The following ZNF791 variants were observed in gnomAD, a reference collection of about 807,000 sequenced individuals.
ZNF791 encodes zinc finger protein 791.
In ZNF791, 4 loss-of-function variants were observed where a neutral mutation model predicts 11.5. The ratio of observed to expected loss-of-function variants is 0.35; its 90% CI spans 0.17 to 0.80. The LOEUF (loss-of-function observed/expected upper bound fraction) is 0.80. Ranked by LOEUF, ZNF791 falls within the 30% of genes least tolerant of loss-of-function variation. ZNF791 has a pLI of 0.53. For missense variants in ZNF791, 559 were observed against 699.4 expected (o/e 0.80, Z 2.26); for synonymous variants, 212 against 228.1 (o/e 0.93, Z 0.64).
At chr19:12,627,678 AT>A in intron 3 of ZNF791, 42 bp from the exon 4 acceptor site, 1 of 1,473,486 alleles carries the variant, frequency 6.8e-7, no homozygotes. Context: ...ATATAAAATC[AT>A]TAATACACAA....
rs532260628 is a variant in ZNF791, at chr19:12,612,277, G to A, written c.3+1195G>A. 4.4e-5 allele frequency: 12 copies of A among 274,994 alleles called. No homozygotes were observed. The South Asian group carries it at 9.9e-4, about 23-fold the overall frequency. The allele number at this position is 274,994 out of a possible 1,614,324, so 17.0% of individuals were successfully genotyped here. A position where few individuals can be genotyped will look rare whatever the true frequency, so the allele number is the denominator to read the frequency against. ...TGATCTTGAACTCCTGGGCTCAAGC[G>A]ATCCTCCACCCTCAGCATCCCAAAG... On this transcript the variant is annotated intron_variant, in intron 1 of 3. Coordinates refer to ENST00000343325, the MANE Select transcript of ZNF791 (RefSeq NM_153358.3).
In ZNF791 at chr19:12,614,892, C is replaced by CTTTTTTTTTTTTTTTTTTTTTTTTTTTTT. The variant is rs57575424; in HGVS notation, c.3+3817_3+3845dup. 2.3e-4 allele frequency among the ~76,000 whole-genome samples: 4 copies of CTTTTTTTTTTTTTTTTTTTTTTTTTTTTT among 17,566 alleles called. 1 individual carries two copies. Among genetic ancestry groups the CTTTTTTTTTTTTTTTTTTTTTTTTTTTTT allele is most frequent in the South Asian group, 5.6e-3 (1 of 178 alleles). 11.5% of individuals were successfully genotyped at this position (17,566 alleles called of 152,430 possible). On this transcript the variant is annotated intron_variant, in intron 1 of 3. Transcript: ENST00000343325. The stretch of plus-strand genomic sequence containing the variant: ...ACAGGTGTGAGCCACTGCGTCCGGC[C>CTTTTTTTTTTTTTTTTTTTTTTTTTTTTT]TTTTTTTTTTTTTTTTTTTTTTTTT...
intron 1 of ZNF791, among the ~76,000 whole-genome samples, chr19:12,621,329 C>G (rs375553497): frequency 2.6e-4 from 40 of 152,198 alleles, no homozygotes; most frequent in East Asian, 7.7e-4. Context: ...TTGTGAAAGT[C>G]TAAGTTGTGA....
Position 12,632,496 on chromosome 19 carries a change from T to G in ZNF791, c.*3236T>G, listed in dbSNP as rs532698766. 2 of 152,254 alleles carry G rather than the reference T, an allele frequency of 1.3e-5. No individual in the cohort carries two copies. The highest frequency in any genetic ancestry group is 1.3e-4 in the Admixed American group (2 of 15,260). The allele number at this position is 152,254 out of a possible 1,614,324, so 9.4% of individuals were successfully genotyped here. A position where few individuals can be genotyped will look rare whatever the true frequency, so the allele number is the denominator to read the frequency against. On this transcript the variant is annotated 3_prime_UTR_variant, in exon 4 of 4. Coordinates refer to ENST00000343325, the MANE Select transcript of ZNF791 (RefSeq NM_153358.3). ...TCCGAAAAACTGCTTTTTAAATTTC[T>G]TGGCCAGACACGGTGGCTCACTCCT...
Position 12,628,505 on chromosome 19 carries a change from A to C in ZNF791, c.976A>C (p.Lys326Gln), listed in dbSNP as rs918157673. The part of the protein sequence containing the change: ...QIHERIHTGE[K>Q]PYKCKECGKS... ...TCATGAAAGAATTCATACTGGAGAG[A>C]AGCCCTATAAATGTAAAGAATGTGG... Residue 326 changes from lysine (K) to glutamine (Q), a missense_variant, in exon 4 of 4, where the codon AAG becomes CAG. Lys to Gln is a moderately conservative substitution (Grantham distance 53, BLOSUM62 1). Coordinates refer to ENST00000343325, the MANE Select transcript of ZNF791 (RefSeq NM_153358.3). The C allele has an allele frequency of 1.1e-5, 17 of 1,611,354 alleles. No homozygotes were observed. Among genetic ancestry groups the C allele is most frequent in the Non-Finnish European group, 1.4e-5 (16 of 1,178,958 alleles).
intron 1 of ZNF791, 197 bp from the exon 2 acceptor site, chr19:12,623,502 GA>G: frequency 3.4e-6 from 2 of 591,638 alleles, no homozygotes; most frequent in Non-Finnish European, 5.8e-6. Flanking sequence ...TACCATTAGA[GA>G]GCAATAGGAC....
At chr19:12,623,400 C>T (rs998142139) in intron 1 of ZNF791, 1 of 342,700 alleles carries the variant, frequency 2.9e-6, no homozygotes, top group Non-Finnish European at 5.4e-6. Context: ...GCGAGACCAT[C>T]TATGTCTCAA....
rs2023489505 is a variant in ZNF791, at chr19:12,630,432, G to A, written c.*1172G>A. The A allele has an allele frequency of 6.6e-6, 1 of 152,028 alleles. No individual in the cohort carries two copies. The highest frequency in any genetic ancestry group is 1.5e-5 in the Non-Finnish European group (1 of 68,034). The allele number at this position is 152,028 out of a possible 1,614,324, so 9.4% of individuals were successfully genotyped here. A position where few individuals can be genotyped will look rare whatever the true frequency, so the allele number is the denominator to read the frequency against. ...GATCTACCACTACACTCCAGCCTGG[G>A]TGACAGAGCGAGACTCCGTCTCGAA... On this transcript the variant is annotated 3_prime_UTR_variant, in exon 4 of 4. Transcript: ENST00000343325.
intron 1 of ZNF791, among the ~76,000 whole-genome samples, chr19:12,621,155 T>A (rs1482685580): frequency 2.0e-5 from 3 of 152,144 alleles, no homozygotes; most frequent in African/African-American, 7.2e-5. Context: ...TGAAGTCCCC[T>A]GAAAATTGAT....
rs533409951 is a variant in ZNF791 at position 12,631,025 on chromosome 19, G to T, written c.*1765G>T. The T allele has an allele frequency of 6.6e-6, 1 of 152,230 alleles. No homozygotes were observed. The highest frequency in any genetic ancestry group is 2.1e-4 in the South Asian group (1 of 4,822). The allele number at this position is 152,230 out of a possible 1,614,324, so 9.4% of individuals were successfully genotyped here. On this transcript the variant is annotated 3_prime_UTR_variant, in exon 4 of 4. Transcript: ENST00000343325. ...GTGTACAGTAACATCCTGGGCCTTC[G>T]CATTCACTCACCACTCAACTGACTC...
intron 3 of ZNF791, among the ~76,000 whole-genome samples, chr19:12,626,572 C>G (rs1429170953): frequency 6.6e-6 from 1 of 152,128 alleles, no homozygotes; most frequent in Admixed American, 6.6e-5. Context: ...GCATGAGCCA[C>G]CATGCCAAGG....
At chr19:12,624,754 C>T in intron 3 of ZNF791, 44 bp downstream of exon 3, 1 of 1,516,788 alleles carries the variant, frequency 6.6e-7, no homozygotes, top group Non-Finnish European at 9.0e-7. Context: ...TTGAAAGAAT[C>T]TTAAAAATGT....
chr19:12,624,774 G>A (rs1172565545), intron 3 of ZNF791, 64 bp downstream of exon 3: 53 of 1,330,150 alleles, frequency 4.0e-5, no homozygotes, highest in Non-Finnish European at 5.2e-5. Flanking sequence ...TTATGGCCGG[G>A]CACGGTGGCT....
chr19:12,612,556 C>T (rs1379769831), intron 1 of ZNF791, among the ~76,000 whole-genome samples: 2 of 150,608 alleles, frequency 1.3e-5, no homozygotes, highest in Non-Finnish European at 3.0e-5. Context: ...ATTCTCCTGC[C>T]TCAACCTCCC....
At chr19:12,625,249 T>G (rs2023408733) in intron 3 of ZNF791, among the ~76,000 whole-genome samples, 3 of 150,910 alleles carry the variant, frequency 2.0e-5, no homozygotes, top group Admixed American at 2.0e-4. Context: ...GCCTCCCAAG[T>G]AGCTGGGATT....
chr19:12,616,683 A>G (rs2023248662), intron 1 of ZNF791, among the ~76,000 whole-genome samples: 1 of 152,142 alleles, frequency 6.6e-6, no homozygotes, highest in Non-Finnish European at 1.5e-5. Flanking sequence ...ACAGAGCAAG[A>G]CTGTCTCAAA....
intron 3 of ZNF791, among the ~76,000 whole-genome samples, chr19:12,627,344 C>T (rs2023445076): frequency 6.6e-6 from 1 of 152,156 alleles, no homozygotes; most frequent in Admixed American, 6.5e-5. Context: ...TTTAGTTCTG[C>T]TGCCGGGTGC....
intron 1 of ZNF791, among the ~76,000 whole-genome samples, chr19:12,611,675 T>C (rs1285447704): frequency 6.6e-6 from 1 of 152,196 alleles, no homozygotes; most frequent in Non-Finnish European, 1.5e-5. Flanking sequence ...ATATTTTACA[T>C]CAGAGAAAAA....
chr19:12,620,738 A>G lies in ZNF791; in HGVS notation c.4-2962A>G, dbSNP rs2023326626. 2.7e-5 allele frequency among the ~76,000 whole-genome samples: 4 copies of G among 146,910 alleles called. No homozygotes were observed. The South Asian group carries it at 8.5e-4, about 31-fold the overall frequency. ...GGATCACTTCCTCCTGAAACTGGAGAAAGGGGATTTATGTTCTTTTTTTTT... is the reference window on the plus strand; with the variant it reads ...GGATCACTTCCTCCTGAAACTGGAGGAAGGGGATTTATGTTCTTTTTTTTT... On this transcript the variant is annotated intron_variant, in intron 1 of 3. Coordinates refer to ENST00000343325, the MANE Select transcript of ZNF791 (RefSeq NM_153358.3).
Sources: gnomAD v4.1 joint callset for allele counts (sites outside exome capture counted in the v4.1 genomes callset) on GRCh38, gnomAD v4.1.1 for gene constraint, MANE v1.5 for transcripts, NCBI Gene and HGNC (gene_info 2026-07-23, HGNC 2026-07-21) for gene names.